Variants in DAGLA observed in about 807,000 individuals in gnomAD.
DAGLA encodes diacylglycerol lipase-alpha.
DAGLA carries 22 observed loss-of-function variants against 102.6 expected under a neutral mutation model. The ratio of observed to expected loss-of-function variants is 0.21; its 90% confidence interval spans 0.15 to 0.31. DAGLA has a LOEUF of 0.31. Ranked by LOEUF, DAGLA falls within the 10% of genes least tolerant of loss-of-function variation. DAGLA has a pLI of 1.00. For missense variants in DAGLA, 927 were observed against 1,446.6 expected, an observed-to-expected ratio of 0.64 and a Z score of 5.83; for synonymous variants, 578 against 628.9, an observed-to-expected ratio of 0.92 and a Z score of 1.21.
chr11:61,719,933 C>G (rs891024024), intron 1 of DAGLA, among the ~76,000 whole-genome samples, 179 bp from the exon 2 acceptor site: 2 of 152,312 alleles, frequency 1.3e-5, no homozygotes, highest in Admixed American at 6.5e-5. Flanking sequence ...CTGTGTCCTG[C>G]TGCTAAGGTC....
intron 1 of DAGLA, among the ~76,000 whole-genome samples, chr11:61,695,186 A>G (rs1484298612): frequency 6.6e-6 from 1 of 152,192 alleles, no homozygotes; most frequent in African/African-American, 2.4e-5. Context: ...GCATCTGCCC[A>G]CAGGCTCTGG....
intron 1 of DAGLA, among the ~76,000 whole-genome samples, chr11:61,707,133 T>C (rs559884154): frequency 1.4e-4 from 22 of 152,330 alleles, no homozygotes; most frequent in African/African-American, 5.3e-4. Context: ...CCCTGCCGTG[T>C]CCTCGTGAAG....
chr11:61,743,429 C>A, intron 19 of DAGLA, 103 bp from the exon 20 acceptor site: 3 of 783,274 alleles, frequency 3.8e-6, no homozygotes, highest in Non-Finnish European at 5.9e-6. Context: ...GCTAAATGAA[C>A]TGTACCCTTT....
intron 6 of DAGLA, among the ~76,000 whole-genome samples, chr11:61,727,740 G>A (rs892927566): frequency 1.3e-5 from 2 of 152,252 alleles, no homozygotes; most frequent in African/African-American, 4.8e-5. Flanking sequence ...GTCCCAGCTG[G>A]TGGGTCAGAG....
At chr11:61,725,014 G>T (rs1422034371) in intron 5 of DAGLA, among the ~76,000 whole-genome samples, 2 of 152,064 alleles carry the variant, frequency 1.3e-5, no homozygotes, top group East Asian at 3.9e-4. Flanking sequence ...ACACACGGAG[G>T]AGCCAAGAGG....
In DAGLA at chr11:61,723,475, A is replaced by T; in HGVS notation, c.451A>T (p.Ile151Phe). The change falls in exon 5 of 20, where the codon ATC (isoleucine) becomes TTC (phenylalanine). Residue 151 changes from isoleucine to phenylalanine, a missense_variant. By Grantham distance (21) the Ile-to-Phe change is conservative. Coordinates refer to ENST00000257215, the MANE Select transcript of DAGLA (RefSeq NM_006133.3). ...CNWVVILSVC[I>F]TVLCVFDPTG... ...CTGGGTAGTCATCCTCAGTGTGTGC[A>T]TCACTGTCCTCTGCGTCTTCGACCC... The T allele has an allele frequency of 1.2e-6, 2 of 1,614,126 alleles. No individual in the cohort carries two copies. The highest frequency in any genetic ancestry group is 2.7e-5 in the African/African-American group (2 of 75,040).
chr11:61,729,022 C>A lies in DAGLA; in HGVS notation c.849+14C>A. The A allele has an allele frequency of 6.2e-7, 1 of 1,608,824 alleles. No individual in the cohort carries two copies. Among genetic ancestry groups the A allele is most frequent in the Non-Finnish European group, 8.5e-7 (1 of 1,175,162 alleles). The stretch of plus-strand genomic sequence containing the variant: ...CTCAAGAATTCAGTGAGTCAGACAT[C>A]AACTCTCACCCCACCCCGTCCCCAT... On this transcript the variant is annotated intron_variant, in intron 8 of 19. Transcript: ENST00000257215.
chr11:61,741,433 T>C, intron 19 of DAGLA, 84 bp downstream of exon 19: 4 of 1,439,252 alleles, frequency 2.8e-6, no homozygotes, highest in East Asian at 4.8e-5. Context: ...ATTTTGTGCA[T>C]GCACTGGGCT....
intron 2 of DAGLA, 67 bp from the exon 3 acceptor site, chr11:61,720,612 G>A (rs762381352): frequency 4.0e-6 from 6 of 1,482,886 alleles, no homozygotes; most frequent in Non-Finnish European, 5.6e-6. Context: ...GGAAGGGCCT[G>A]CCTGCTAGTA....
chr11:61,704,368 C>T (rs915034677), intron 1 of DAGLA, among the ~76,000 whole-genome samples: 1 of 152,194 alleles, frequency 6.6e-6, no homozygotes, highest in African/African-American at 2.4e-5. Flanking sequence ...GATCTGCCTG[C>T]CTCAGCCTCC....
chr11:61,708,973 G>A (rs2065172584), intron 1 of DAGLA, among the ~76,000 whole-genome samples: 1 of 152,118 alleles, frequency 6.6e-6, no homozygotes, highest in Non-Finnish European at 1.5e-5. Context: ...GAGGTCTGAA[G>A]GACAGAATAG....
chr11:61,701,162 A>G (rs2135560332), intron 1 of DAGLA, among the ~76,000 whole-genome samples: 1 of 152,374 alleles, frequency 6.6e-6, no homozygotes, highest in Non-Finnish European at 1.5e-5. Context: ...TGTGCCCTGC[A>G]GTAAACAGAA....
chr11:61,683,624 C>T (rs984869341), intron 1 of DAGLA, among the ~76,000 whole-genome samples: 9 of 152,104 alleles, frequency 5.9e-5, no homozygotes, highest in African/African-American at 2.2e-4. Context: ...CCCTTTTCAG[C>T]CACCCTTTGC....
intron 1 of DAGLA, among the ~76,000 whole-genome samples, chr11:61,693,262 A>G (rs2065038727): frequency 6.6e-6 from 1 of 151,498 alleles, no homozygotes; most frequent in African/African-American, 2.4e-5. Context: ...TACTGGGATT[A>G]CAGATATGAG....
intron 1 of DAGLA, among the ~76,000 whole-genome samples, chr11:61,688,474 G>C (rs1354642138): frequency 6.6e-6 from 1 of 152,218 alleles, no homozygotes; most frequent in Non-Finnish European, 1.5e-5. Context: ...TCTGCAGCTT[G>C]CCAGCTGCCA....
chr11:61,686,811 A>G lies in DAGLA; in HGVS notation c.-45+6307A>G, dbSNP rs576794267. ...TCCTGGACTTCCTTGAGGTTAATCT[A>G]TTATTGATGTCCCTTCGTTTATATA... On this transcript the variant is annotated intron_variant, in intron 1 of 19. Transcript: ENST00000257215. The surrounding 1 kb of genome is among the most constrained non-coding windows in gnomAD (Gnocchi z 5.2). 1.3e-5 allele frequency among the ~76,000 whole-genome samples: 2 copies of G among 152,236 alleles called. No individual in the cohort carries two copies. The highest frequency in any genetic ancestry group is 6.5e-5 in the Admixed American group (1 of 15,308).
intron 2 of DAGLA, 39 bp from the exon 3 acceptor site, chr11:61,720,640 G>C (rs1347018196): frequency 6.2e-7 from 1 of 1,600,104 alleles, no homozygotes; most frequent in Non-Finnish European, 8.6e-7. Context: ...GAGGTACAGG[G>C]GCCACCTGGC....
chr11:61,688,247 G>A (rs1376629727), intron 1 of DAGLA, among the ~76,000 whole-genome samples: 1 of 151,266 alleles, frequency 6.6e-6, no homozygotes, highest in Non-Finnish European at 1.5e-5. Context: ...TCCGGGAGGC[G>A]GAGCTTGCAG....
intron 5 of DAGLA, 37 bp downstream of exon 5, chr11:61,723,609 G>T: frequency 6.2e-7 from 1 of 1,602,030 alleles, no homozygotes. Context: ...CCCAGGGTGG[G>T]CTTTGCTGTC....
Sources: allele counts gnomAD v4.1 joint callset (sites outside exome capture counted in the v4.1 genomes callset), GRCh38; gene constraint gnomAD v4.1.1; non-coding constraint Gnocchi (gnomAD v3.1); transcripts MANE v1.5; gene names NCBI Gene and HGNC (gene_info 2026-07-23, HGNC 2026-07-21).